Variants in ZNF695 observed in about 807,000 individuals in gnomAD.
ZNF695 encodes zinc finger protein SBZF3.
ZNF695 carries 11 observed loss-of-function variants against 11.2 expected under a neutral mutation model. That is an observed-to-expected ratio of 0.98 (90% CI 0.62 to 1.62). The LOEUF is 1.62. Among genes scored for constraint, ZNF695 ranks in the 40% most tolerant of loss-of-function variants. The pLI is 0.00. For synonymous variants in ZNF695, 190 were observed against 201.4 expected (o/e 0.94, Z 0.48); for missense variants, 559 against 590.5 (o/e 0.95, Z 0.55).
chr1:246,947,771 T>C (rs1667775535), intron 5 of ZNF695, among the ~76,000 whole-genome samples: 1 of 152,218 alleles, frequency 6.6e-6, no homozygotes, highest in Non-Finnish European at 1.5e-5. Flanking sequence ...CTTACTTTAA[T>C]TTCTGGTGCT....
intron 5 of ZNF695, among the ~76,000 whole-genome samples, chr1:246,949,705 C>A (rs1297778623): frequency 7.2e-5 from 11 of 152,168 alleles, no homozygotes; most frequent in South Asian, 2.1e-4. Context: ...ATCTTTCCAC[C>A]TCATCAAAGG....
intron 5 of ZNF695, among the ~76,000 whole-genome samples, chr1:246,954,053 T>G (rs1381849834): frequency 6.6e-6 from 1 of 152,006 alleles, no homozygotes; most frequent in Non-Finnish European, 1.5e-5. Context: ...AGGATAGCCA[T>G]TCAGTATTAT....
At chr1:246,989,562 A>AGAC (rs747785057) in intron 3 of ZNF695, among the ~76,000 whole-genome samples, 1 of 151,768 alleles carries the variant, frequency 6.6e-6, no homozygotes, top group South Asian at 2.1e-4. Flanking sequence ...CAGGAAAGAA[A>AGAC]GAAGACCACT....
intron 5 of ZNF695, among the ~76,000 whole-genome samples, chr1:246,962,485 C>A (rs569522882): frequency 9.2e-5 from 14 of 152,320 alleles, no homozygotes; most frequent in African/African-American, 3.4e-4. Context: ...CCTCTCAAAT[C>A]CATCCCCTTT....
chr1:246,951,125 C>T (rs1045702651), intron 5 of ZNF695, among the ~76,000 whole-genome samples: 5 of 152,024 alleles, frequency 3.3e-5, no homozygotes, highest in South Asian at 4.2e-4. Context: ...GGCACCGAGA[C>T]ACCCTCAGTA....
chr1:246,954,318 C>T (rs931380640), intron 5 of ZNF695, among the ~76,000 whole-genome samples: 3 of 152,172 alleles, frequency 2.0e-5, no homozygotes, highest in African/African-American at 7.2e-5. Flanking sequence ...CAGTTGAAAG[C>T]CAAGGACAGG....
At position 247,000,054 on chromosome 1, in the gene ZNF695, A is replaced by T; in HGVS notation, c.24T>A (p.Asp8Glu). 6.2e-7 allele frequency: 1 copy of T among 1,608,922 alleles called. No homozygotes were observed. Among genetic ancestry groups the T allele is most frequent in the Non-Finnish European group, 8.5e-7 (1 of 1,178,652 alleles). Residue 8 changes from aspartate (D) to glutamate (E), a missense_variant, in exon 2 of 4, where the codon GAT (aspartate) becomes GAA (glutamate). Physicochemically the swap from Asp to Glu is conservative, Grantham distance 45 (BLOSUM62 2). Transcript: ENST00000339986. MGLLAFR[D>E]VALEFSPEEW... Reference sequence around the variant, plus strand: ...CCTCTGGAGAGAATTCTAGAGCCACATCCCTGAATGCCAATAGTCCCTGAA... The same window carrying T: ...CCTCTGGAGAGAATTCTAGAGCCACTTCCCTGAATGCCAATAGTCCCTGAA...
intron 4 of ZNF695, among the ~76,000 whole-genome samples, chr1:246,970,060 C>G (rs1185179223): frequency 6.6e-6 from 1 of 152,180 alleles, no homozygotes; most frequent in Non-Finnish European, 1.5e-5. Flanking sequence ...CTCCTAAAAT[C>G]CTTTCCAGTA....
chr1:246,950,716 T>C (rs1017889168), intron 5 of ZNF695, among the ~76,000 whole-genome samples: 4 of 151,796 alleles, frequency 2.6e-5, no homozygotes, highest in African/African-American at 9.7e-5. Context: ...TACAGGGATT[T>C]GTAAAGCTAT....
chr1:246,965,979 A>T (rs952884995), intron 5 of ZNF695, among the ~76,000 whole-genome samples: 2 of 151,712 alleles, frequency 1.3e-5, no homozygotes, highest in African/African-American at 2.4e-5. Flanking sequence ...TATAAATCAC[A>T]ATATCACAGG....
At position 246,988,016 on chromosome 1, in the gene ZNF695, T is replaced by C; in HGVS notation, c.499A>G (p.Lys167Glu). ...TTACATTTATTTAGATTTGCAAATT[T>C]ACTAAAACCTTTCACACATTTATTG... Reference protein sequence around the residue: ...QCNKCVKGFSKFANLNKCKIS... With the variant: ...QCNKCVKGFSEFANLNKCKIS... Residue 167 changes from lysine (K) to glutamate (E), a missense_variant, in exon 4 of 4, where the codon AAA becomes GAA. Lys to Glu is a moderately conservative substitution (Grantham distance 56). Coordinates refer to ENST00000339986, the MANE Select transcript of ZNF695 (RefSeq NM_020394.5). 6.3e-7 allele frequency: 1 copy of C among 1,597,060 alleles called. No homozygotes were observed. The highest frequency in any genetic ancestry group is 8.5e-7 in the Non-Finnish European group (1 of 1,174,236).
At chr1:246,946,393 C>T (rs536872833) in intron 5 of ZNF695, among the ~76,000 whole-genome samples, 1 of 152,354 alleles carries the variant, frequency 6.6e-6, no homozygotes, top group Admixed American at 6.5e-5. Flanking sequence ...GTTCTCAATT[C>T]TTATGCGGTC....
At chr1:246,976,705 A>G (rs924795971) in intron 4 of ZNF695, among the ~76,000 whole-genome samples, 4 of 152,018 alleles carry the variant, frequency 2.6e-5, no homozygotes, top group Admixed American at 6.6e-5. Context: ...GAGGCAGAAG[A>G]ATGGCATGAA....
chr1:247,004,420 G>A (rs1405175297), intron 1 of ZNF695, among the ~76,000 whole-genome samples: 4 of 151,330 alleles, frequency 2.6e-5, no homozygotes, highest in South Asian at 2.1e-4. Context: ...AAAAACCCTC[G>A]AAAAACTGAG....
In ZNF695 at chr1:246,972,712, G is replaced by T. The variant is rs532822167; in HGVS notation, c.391-4920C>A. Reference sequence around the variant, plus strand: ...TTTTTGTATTTTTAGTAGAGACAGGGTTTCACCATGTTGGCCAGGCTGGTC... The same window carrying T: ...TTTTTGTATTTTTAGTAGAGACAGGTTTTCACCATGTTGGCCAGGCTGGTC... On this transcript the variant is annotated intron_variant, in intron 4 of 5. Coordinates refer to the ZNF695 transcript ENST00000487338. 3.2e-4 allele frequency among the ~76,000 whole-genome samples: 48 copies of T among 152,008 alleles called. No homozygotes were observed. The South Asian group carries it at 8.9e-3, about 28-fold the overall frequency.
chr1:246,976,585 G>A (rs1285552277), intron 4 of ZNF695, among the ~76,000 whole-genome samples: 1 of 151,630 alleles, frequency 6.6e-6, no homozygotes, highest in Non-Finnish European at 1.5e-5. Context: ...ACGAGGTGAG[G>A]AGATCGAGAC....
Position 246,987,885 on chromosome 1 carries a change from GT to G in ZNF695, c.629del (p.Asn210ThrfsTer158). ...TQQQRIHIGE[N>X]PYQCKKCGKA... Reference sequence around the variant, plus strand: ...TGCCACATTTTTTACATTGGTACGGGTTCTCTCCAATATGGATTCTCTGCTG... The same window carrying G: ...TGCCACATTTTTTACATTGGTACGGGTCTCTCCAATATGGATTCTCTGCTG... On this transcript the variant is annotated frameshift_variant, in exon 4 of 4. Transcript: ENST00000339986. LOFTEE classifies it low-confidence loss of function (END_TRUNC). 1 of 1,609,842 alleles carries G rather than the reference GT, an allele frequency of 6.2e-7. No homozygotes were observed. The highest frequency in any genetic ancestry group is 8.5e-7 in the Non-Finnish European group (1 of 1,178,816).
In ZNF695 at chr1:246,945,709, G is replaced by GACGC. The variant is rs1302634358; in HGVS notation, c.*84_*87dup. 16 of 1,409,994 alleles carry GACGC rather than the reference G, an allele frequency of 1.1e-5. 1 individual carries two copies. In the East Asian group the frequency reaches 4.0e-4, roughly 35 times the overall value. 87.3% of individuals were successfully genotyped at this position (1,409,994 alleles called of 1,614,324 possible). On this transcript the variant is annotated 3_prime_UTR_variant, in exon 6 of 6. Transcript: ENST00000487338. The stretch of plus-strand genomic sequence containing the variant: ...CATGTTTTAATTCAGAACTCGGGCT[G>GACGC]ACGCAGCTGGACCCGGTGTAAATTC...
chr1:246,984,732 G>A (rs1308123720), downstream of ZNF695, among the ~76,000 whole-genome samples: 1 of 152,030 alleles, frequency 6.6e-6, no homozygotes, highest in Middle Eastern at 3.2e-3. Flanking sequence ...CTCTAATAAT[G>A]GAAAAATGGA....
Sources: gnomAD v4.1 joint callset for allele counts (sites outside exome capture counted in the v4.1 genomes callset) on GRCh38, gnomAD v4.1.1 for gene constraint, MANE v1.5 for transcripts, NCBI Gene and HGNC (gene_info 2026-07-23, HGNC 2026-07-21) for gene names.